The following RSRC1 variants were observed in gnomAD, a reference collection of about 807,000 sequenced individuals.
RSRC1 encodes the protein arginine and serine rich coiled-coil 1, also known as serine/Arginine-related protein 53.
RSRC1 carries 39 observed loss-of-function variants against 49.1 expected under a neutral mutation model. The observed-to-expected ratio is 0.79, with a 90% CI of 0.61 to 1.04. The LOEUF (loss-of-function observed/expected upper bound fraction) is 1.04. Ranked by LOEUF, RSRC1 falls within the 50% of genes least tolerant of loss-of-function variation. The probability of loss-of-function intolerance (pLI) is 0.00; values close to 1 mark genes in which losing one functional copy is unlikely to be tolerated. For synonymous variants in RSRC1, 143 were observed against 130.8 expected (o/e 1.09, Z -0.63); for missense variants, 388 against 402.4 (o/e 0.96, Z 0.31).
intron 7 of RSRC1, among the ~76,000 whole-genome samples, chr3:158,510,998 T>C (rs988132670): frequency 2.0e-5 from 3 of 152,186 alleles, no homozygotes; most frequent in African/African-American, 7.2e-5. Context: ...ATATTGAGTA[T>C]TTTTATCCTA....
At chr3:158,241,891 A>G (rs995094936) in intron 4 of RSRC1, among the ~76,000 whole-genome samples, 2 of 151,734 alleles carry the variant, frequency 1.3e-5, no homozygotes, top group Non-Finnish European at 2.9e-5. Context: ...TGTAGTTTAT[A>G]TGTAATAAAA....
chr3:158,131,141 T>G (rs1019872799), intron 3 of RSRC1, among the ~76,000 whole-genome samples: 1 of 151,442 alleles, frequency 6.6e-6, no homozygotes, highest in African/African-American at 2.4e-5. Flanking sequence ...TAATTTTTTG[T>G]TTATATATAT....
At chr3:158,319,922 T>C (rs1468044964) in intron 5 of RSRC1, among the ~76,000 whole-genome samples, 2 of 152,210 alleles carry the variant, frequency 1.3e-5, no homozygotes, top group African/African-American at 4.8e-5. Flanking sequence ...TTTTAACCCA[T>C]GATCCTCATA....
intron 4 of RSRC1, among the ~76,000 whole-genome samples, chr3:158,239,899 C>A (rs1014134224): frequency 5.3e-5 from 8 of 151,982 alleles, no homozygotes; most frequent in African/African-American, 1.7e-4. Context: ...AGAAGTTTTA[C>A]CATTTGAATG....
At chr3:158,266,416 GA>G in intron 4 of RSRC1, among the ~76,000 whole-genome samples, 1 of 152,162 alleles carries the variant, frequency 6.6e-6, no homozygotes, top group African/African-American at 2.4e-5. Flanking sequence ...TATTGTTGAT[GA>G]ATTATAATTT....
chr3:158,420,860 G>A (rs1270155244), intron 6 of RSRC1, among the ~76,000 whole-genome samples: 1 of 151,920 alleles, frequency 6.6e-6, no homozygotes, highest in Non-Finnish European at 1.5e-5. Flanking sequence ...CTAGGAGACA[G>A]TCAAGGGTGC....
At chr3:158,304,348 G>A (rs1016515833) in intron 5 of RSRC1, among the ~76,000 whole-genome samples, 5 of 151,926 alleles carry the variant, frequency 3.3e-5, no homozygotes, top group Admixed American at 1.3e-4. Context: ...GCTGTATTTC[G>A]GTTTTCAGAC....
intron 3 of RSRC1, among the ~76,000 whole-genome samples, chr3:158,143,265 T>A (rs1305653016): frequency 1.3e-5 from 2 of 152,182 alleles, no homozygotes; most frequent in Non-Finnish European, 2.9e-5. Flanking sequence ...TGAGATAAAA[T>A]CTTTGAAAGG....
rs760919300 is a variant in RSRC1, at chr3:158,376,190, GT to G, written c.583+21300del. Reference sequence around the variant, plus strand: ...CTCCCTTCCTTCTTCCCTTCCTTTCGTTTTTTTTTTTTTTTTTTAAAGACAG... The same window carrying G: ...CTCCCTTCCTTCTTCCCTTCCTTTCGTTTTTTTTTTTTTTTTTAAAGACAG... On this transcript the variant is annotated intron_variant, in intron 6 of 9. Coordinates refer to ENST00000611884, the MANE Select transcript of RSRC1 (RefSeq NM_001271838.2). Among the ~76,000 whole-genome samples the G allele has an allele frequency of 1.4e-3, 102 of 71,400 alleles. 1 individual carries two copies. The highest frequency in any genetic ancestry group is 0.013 in the Middle Eastern group (1 of 80). The allele number at this position is 71,400 out of a possible 152,430, so 46.8% of individuals were successfully genotyped here. A position where few individuals can be genotyped will look rare whatever the true frequency, so the allele number is the denominator to read the frequency against.
At chr3:158,500,401 C>T (rs1311077408) in intron 7 of RSRC1, among the ~76,000 whole-genome samples, 1 of 151,956 alleles carries the variant, frequency 6.6e-6, no homozygotes, top group Non-Finnish European at 1.5e-5. Context: ...GGGGAGGGTT[C>T]CTACTTTCTC....
At chr3:158,366,988 G>T (rs1247224922) in intron 6 of RSRC1, among the ~76,000 whole-genome samples, 1 of 152,128 alleles carries the variant, frequency 6.6e-6, no homozygotes, top group Non-Finnish European at 1.5e-5. Flanking sequence ...TTTGCATATT[G>T]ATTTTATATC....
intron 3 of RSRC1, among the ~76,000 whole-genome samples, chr3:158,197,245 G>C (rs1182611316): frequency 6.6e-6 from 1 of 152,052 alleles, no homozygotes. Context: ...TGTATGTGTC[G>C]AGGAATTTAT....
Position 158,543,388 on chromosome 3 carries a change from A to G in RSRC1, c.813A>G (p.Ser271=). The stretch of plus-strand genomic sequence containing the variant: ...CAACTTCAACATCAGGACCAGCATC[A>G]GCAGTTGCTGATCCACCCAGTACTG... The part of the protein sequence containing the change: ...KQATSTSGPA[S]AVADPPSTEK... The change falls in exon 9 of 10, where the codon TCA becomes TCG. Residue 271 remains serine, a synonymous_variant. Transcript: ENST00000611884. 1 of 1,601,062 alleles carries G rather than the reference A, an allele frequency of 6.2e-7. No homozygotes were observed. The highest frequency in any genetic ancestry group is 8.5e-7 in the Non-Finnish European group (1 of 1,174,418).
intron 4 of RSRC1, among the ~76,000 whole-genome samples, chr3:158,256,290 A>T (rs760353287): frequency 5.9e-5 from 9 of 152,052 alleles, no homozygotes; most frequent in Non-Finnish European, 1.2e-4. Flanking sequence ...AATTTTGTCG[A>T]TGGCCTTTTC....
chr3:158,116,367 C>G (rs571606008), intron 1 of RSRC1, among the ~76,000 whole-genome samples: 5 of 152,270 alleles, frequency 3.3e-5, no homozygotes, highest in Non-Finnish European at 7.4e-5. Flanking sequence ...TTCAGTTACA[C>G]AAATGCTTGT....
chr3:158,193,365 T>G (rs1430742452), intron 3 of RSRC1, among the ~76,000 whole-genome samples: 1 of 152,098 alleles, frequency 6.6e-6, no homozygotes, highest in East Asian at 1.9e-4. Context: ...TCCAACAGTA[T>G]ATTTTTTTAA....
chr3:158,234,180 G>A (rs373940725), intron 4 of RSRC1, among the ~76,000 whole-genome samples: 3 of 152,296 alleles, frequency 2.0e-5, no homozygotes, highest in African/African-American at 7.2e-5. Flanking sequence ...TCAATGGCTT[G>A]TATTGCAGCT....
chr3:158,154,296 T>C (rs1054939384), intron 3 of RSRC1, among the ~76,000 whole-genome samples: 27 of 152,248 alleles, frequency 1.8e-4, no homozygotes, highest in African/African-American at 6.3e-4. Context: ...GGTCTTGCCT[T>C]GATGTTGATG....
At position 158,489,857 on chromosome 3, in the gene RSRC1, T is replaced by C. The variant is rs1001546441; in HGVS notation, c.652+28854T>C. ...AAAAGGGATTAGTATCTTACTAACCTTCTGAAAGATAATATAGTTGAGTTT... is the reference window on the plus strand; with the variant it reads ...AAAAGGGATTAGTATCTTACTAACCCTCTGAAAGATAATATAGTTGAGTTT... On this transcript the variant is annotated intron_variant, in intron 7 of 9. Transcript: ENST00000611884. Among the ~76,000 whole-genome samples the C allele has an allele frequency of 4.6e-5, 7 of 152,284 alleles. No individual in the cohort carries two copies. In the East Asian group the frequency reaches 1.2e-3, roughly 25 times the overall value.
Sources: gnomAD v4.1 joint callset for allele counts (sites outside exome capture counted in the v4.1 genomes callset) on GRCh38, gnomAD v4.1.1 for gene constraint, MANE v1.5 for transcripts, NCBI Gene and HGNC (gene_info 2026-07-23, HGNC 2026-07-21) for gene names.